RPS6KC1: variants seen among roughly 807,000 people sequenced by gnomAD.
RPS6KC1 encodes the protein inactive ribosomal protein S6 kinase delta-1.
Under a neutral mutation model 103.8 loss-of-function variants are expected in RPS6KC1, and 54 were observed. That is an observed-to-expected ratio of 0.52 (90% confidence interval 0.42 to 0.65). RPS6KC1 has a LOEUF of 0.65. RPS6KC1 is among the 30% of genes least tolerant of loss of function. The probability of loss-of-function intolerance (pLI) is 0.00; values close to 1 mark genes in which losing one functional copy is unlikely to be tolerated. For synonymous variants in RPS6KC1, 439 were observed against 438.7 expected (o/e 1.00, Z -0.01); for missense variants, 1,151 against 1,253.8 (o/e 0.92, Z 1.24).
chr1:213,789,475 C>T, the RPS6KC1 span, among the ~76,000 whole-genome samples: 43 of 152,294 alleles, frequency 2.8e-4, no homozygotes, highest in African/African-American at 1.0e-3. Flanking sequence ...AGTTCCTATG[C>T]CTGGGTTTAA....
chr1:213,788,001 A>G, the RPS6KC1 span, among the ~76,000 whole-genome samples: 8 of 152,308 alleles, frequency 5.3e-5, no homozygotes, highest in African/African-American at 1.9e-4. Context: ...CATGGTTTGA[A>G]TGCTTCACAT....
Position 213,077,679 on chromosome 1 carries a change from A to T in RPS6KC1, c.142-17A>T, listed in dbSNP as rs1471697687. 3.6e-6 allele frequency: 5 copies of T among 1,381,110 alleles called. No homozygotes were observed. Among genetic ancestry groups the T allele is most frequent in the Non-Finnish European group, 4.9e-6 (5 of 1,010,614 alleles). The allele number at this position is 1,381,110 out of a possible 1,614,324, so 85.6% of individuals were successfully genotyped here. On this transcript the variant is annotated splice_polypyrimidine_tract_variant and intron_variant, in intron 2 of 14. Transcript: ENST00000366960. ...CTAAATGGTTATGAGATACATGTTT[A>T]ATTTTTTTCTCTCTAGATAATTGTA...
the RPS6KC1 span, among the ~76,000 whole-genome samples, chr1:213,307,784 G>T: frequency 1.3e-5 from 2 of 152,144 alleles, no homozygotes; most frequent in African/African-American, 2.4e-5. Context: ...AAGTGGAATG[G>T]TACACTGCAC....
At chr1:213,251,599 T>G (rs1386155148) in intron 12 of RPS6KC1, among the ~76,000 whole-genome samples, 1 of 152,214 alleles carries the variant, frequency 6.6e-6, no homozygotes, top group South Asian at 2.1e-4. Context: ...CTAATCTTTG[T>G]TTCTTCCTGC....
intron 3 of RPS6KC1, among the ~76,000 whole-genome samples, chr1:213,099,987 A>G (rs2081868363): frequency 6.6e-6 from 1 of 152,234 alleles, no homozygotes. Flanking sequence ...ACCTAGGAAT[A>G]TAATTTCTGG....
At chr1:213,412,749 G>A in the RPS6KC1 span, among the ~76,000 whole-genome samples, 298 of 152,310 alleles carry the variant, frequency 2.0e-3, no homozygotes, top group African/African-American at 6.6e-3. Context: ...CAGTGGCTGC[G>A]TCCTCAGCTC....
At chr1:213,618,525 T>A in the RPS6KC1 span, among the ~76,000 whole-genome samples, 209 of 152,344 alleles carry the variant, frequency 1.4e-3, no homozygotes, top group African/African-American at 4.8e-3. Flanking sequence ...ATACTGTGGG[T>A]GCAGTGAATG....
At chr1:213,206,448 C>A (rs1394617615) in intron 8 of RPS6KC1, among the ~76,000 whole-genome samples, 1 of 152,136 alleles carries the variant, frequency 6.6e-6, no homozygotes, top group Non-Finnish European at 1.5e-5. Context: ...GTATATCAGA[C>A]ATGGTTCTTC....
the RPS6KC1 span, among the ~76,000 whole-genome samples, chr1:213,639,182 G>A: frequency 6.6e-6 from 1 of 152,012 alleles, no homozygotes; most frequent in Admixed American, 6.6e-5. Flanking sequence ...AGACATTTTT[G>A]TATTGACATT....
At chr1:213,251,470 AG>A (rs2094545277) in intron 12 of RPS6KC1, among the ~76,000 whole-genome samples, 1 of 152,140 alleles carries the variant, frequency 6.6e-6, no homozygotes, top group African/African-American at 2.4e-5. Context: ...TTCCAGAGGC[AG>A]TCATTGTGCT....
chr1:213,521,411 T>C, the RPS6KC1 span, among the ~76,000 whole-genome samples: 7 of 152,172 alleles, frequency 4.6e-5, no homozygotes, highest in African/African-American at 1.7e-4. Flanking sequence ...TTGTAGAGGG[T>C]CTTGCCTTGA....
At chr1:213,478,622 G>A in the RPS6KC1 span, among the ~76,000 whole-genome samples, 2 of 152,116 alleles carry the variant, frequency 1.3e-5, no homozygotes, top group African/African-American at 4.8e-5. Context: ...ATGATGCTAA[G>A]CATCTGTTCA....
chr1:213,681,308 A>T, the RPS6KC1 span, among the ~76,000 whole-genome samples: 15 of 152,202 alleles, frequency 9.9e-5, no homozygotes, highest in African/African-American at 2.9e-4. Flanking sequence ...CTGTCTCCAT[A>T]GGTAGAAAAC....
intron 8 of RPS6KC1, among the ~76,000 whole-genome samples, chr1:213,207,808 G>A (rs767018586): frequency 2.6e-4 from 39 of 152,146 alleles, no homozygotes; most frequent in Non-Finnish European, 4.3e-4. Context: ...CAAGTAGCTG[G>A]GATTACAGGT....
At chr1:213,059,155 G>A (rs1190551140) in intron 1 of RPS6KC1, among the ~76,000 whole-genome samples, 2 of 152,122 alleles carry the variant, frequency 1.3e-5, no homozygotes, top group Admixed American at 6.5e-5. Flanking sequence ...TGTGCACAAC[G>A]TGCAGGTTAG....
intron 12 of RPS6KC1, among the ~76,000 whole-genome samples, chr1:213,259,288 G>A (rs1413251307): frequency 2.6e-5 from 4 of 152,188 alleles, no homozygotes; most frequent in Admixed American, 6.5e-5. Flanking sequence ...GGCCGGGTGC[G>A]GTGGCTCATG....
At chr1:213,373,430 G>C in the RPS6KC1 span, among the ~76,000 whole-genome samples, 68 of 152,226 alleles carry the variant, frequency 4.5e-4, no homozygotes, top group African/African-American at 1.6e-3. Context: ...CTTGGATCCA[G>C]CTGTTCCTGA....
the RPS6KC1 span, among the ~76,000 whole-genome samples, chr1:213,545,092 G>C: frequency 9.2e-5 from 14 of 152,124 alleles, no homozygotes; most frequent in Non-Finnish European, 1.5e-4. Context: ...TCAGCTGGGC[G>C]CTCTGGCTAA....
chr1:213,355,973 A>G, the RPS6KC1 span, among the ~76,000 whole-genome samples: 1 of 152,208 alleles, frequency 6.6e-6, no homozygotes, highest in Admixed American at 6.5e-5. Flanking sequence ...GGTTGTTATG[A>G]GGATTAAATG....
Sources: gnomAD v4.1 joint callset for allele counts (sites outside exome capture counted in the v4.1 genomes callset) on GRCh38, gnomAD v4.1.1 for gene constraint, MANE v1.5 for transcripts, NCBI Gene and HGNC (gene_info 2026-07-23, HGNC 2026-07-21) for gene names.